The following CSMD1 variants were observed in gnomAD, a reference collection of about 807,000 sequenced individuals.
The protein encoded by CSMD1 is CUB and sushi domain-containing protein 1.
In CSMD1, 213 loss-of-function variants were observed where a neutral mutation model predicts 417.5. The ratio of observed to expected loss-of-function variants is 0.51; its 90% CI spans 0.46 to 0.57. The LOEUF (loss-of-function observed/expected upper bound fraction) is 0.57, where lower values mean the gene tolerates loss of function less well. Among genes scored for constraint, CSMD1 ranks in the 20% least tolerant of loss-of-function variants. CSMD1 has a pLI of 0.00. For synonymous variants in CSMD1, 2,862 were observed against 1,736.8 expected (o/e 1.65, Z -16.11); for missense variants, 6,923 against 4,529.7 (o/e 1.53, Z -15.17).
At chr8:4,179,114 C>A (rs112959333) in intron 3 of CSMD1, among the ~76,000 whole-genome samples, 19 of 152,226 alleles carry the variant, frequency 1.2e-4, no homozygotes, top group East Asian at 1.9e-4. Context: ...GAGCCCGCAT[C>A]GCCAAGTCAA....
chr8:4,202,995 G>A (rs1238442007), intron 3 of CSMD1, among the ~76,000 whole-genome samples: 4 of 152,124 alleles, frequency 2.6e-5, no homozygotes, highest in African/African-American at 4.8e-5. Context: ...TGTCTGCATC[G>A]TAATTCCCAG....
chr8:4,609,330 G>C (rs1172531765), intron 2 of CSMD1, among the ~76,000 whole-genome samples: 1 of 152,206 alleles, frequency 6.6e-6, no homozygotes, highest in African/African-American at 2.4e-5. Context: ...GAGCCTGGGA[G>C]GCAGAGGTTG....
intron 12 of CSMD1, among the ~76,000 whole-genome samples, chr8:3,434,107 A>C (rs2117032034): frequency 6.6e-6 from 1 of 152,322 alleles, no homozygotes; most frequent in East Asian, 1.9e-4. Context: ...TTCCAGAGTA[A>C]CCTTAGAATT....
chr8:3,269,755 T>C (rs963577705), intron 26 of CSMD1, among the ~76,000 whole-genome samples: 1 of 152,206 alleles, frequency 6.6e-6, no homozygotes, highest in Non-Finnish European at 1.5e-5. Context: ...AATTAAGCTT[T>C]AATGAAAAGT....
intron 50 of CSMD1, among the ~76,000 whole-genome samples, chr8:3,036,172 G>T (rs1363080345): frequency 6.6e-6 from 1 of 152,098 alleles, no homozygotes; most frequent in Admixed American, 6.5e-5. Flanking sequence ...CCTTTAATTT[G>T]GCCGTGAGTA....
At chr8:4,117,261 C>A (rs574233049) in intron 3 of CSMD1, among the ~76,000 whole-genome samples, 1 of 151,080 alleles carries the variant, frequency 6.6e-6, no homozygotes, top group African/African-American at 2.4e-5. Flanking sequence ...CATCTATAAT[C>A]CCAAGGAACT....
chr8:4,308,957 C>T (rs1298813736), intron 3 of CSMD1, among the ~76,000 whole-genome samples: 2 of 152,130 alleles, frequency 1.3e-5, no homozygotes, highest in African/African-American at 4.8e-5. Context: ...CAAATACTCC[C>T]TGTAACCTTC....
chr8:3,601,894 C>T (rs1047910680), intron 8 of CSMD1, among the ~76,000 whole-genome samples: 1 of 152,152 alleles, frequency 6.6e-6, no homozygotes, highest in African/African-American at 2.4e-5. Context: ...GTTCACAGAT[C>T]TGCCCTAGAG....
chr8:3,302,095 G>C (rs1443684202), intron 25 of CSMD1, among the ~76,000 whole-genome samples: 1 of 152,092 alleles, frequency 6.6e-6, no homozygotes, highest in Non-Finnish European at 1.5e-5. Context: ...GAAGACTAAA[G>C]TCTCCCGCCC....
At chr8:4,350,166 G>A (rs1301778565) in intron 3 of CSMD1, among the ~76,000 whole-genome samples, 1 of 152,058 alleles carries the variant, frequency 6.6e-6, no homozygotes, top group Non-Finnish European at 1.5e-5. Flanking sequence ...GGTCCTTATT[G>A]TTACAAGCCT....
intron 17 of CSMD1, among the ~76,000 whole-genome samples, chr8:3,391,190 G>A (rs111803943): frequency 8.7e-4 from 132 of 152,110 alleles, no homozygotes; most frequent in African/African-American, 3.0e-3. Flanking sequence ...TTGGTGTGGT[G>A]TGCACGCACA....
At chr8:3,779,700 T>C (rs1799075423) in intron 5 of CSMD1, among the ~76,000 whole-genome samples, 1 of 152,024 alleles carries the variant, frequency 6.6e-6, no homozygotes, top group Non-Finnish European at 1.5e-5. Flanking sequence ...TACAACACTA[T>C]CTAGCGCATA....
At chr8:3,265,873 G>T (rs1801396330) in intron 26 of CSMD1, among the ~76,000 whole-genome samples, 1 of 151,938 alleles carries the variant, frequency 6.6e-6, no homozygotes, top group South Asian at 2.1e-4. Context: ...GAGAAAAGCG[G>T]ACTGAGATCA....
chr8:2,956,669 G>T (rs1319338458), intron 63 of CSMD1, among the ~76,000 whole-genome samples: 10 of 151,914 alleles, frequency 6.6e-5, no homozygotes, highest in Non-Finnish European at 1.3e-4. Context: ...TGTTAGCCAG[G>T]ATGGTCTCGA....
chr8:3,494,858 C>G (rs1264414586), intron 10 of CSMD1, among the ~76,000 whole-genome samples: 1 of 152,144 alleles, frequency 6.6e-6, no homozygotes, highest in Admixed American at 6.5e-5. Flanking sequence ...AGAAAAGTAT[C>G]AAATGCCTGT....
chr8:3,553,363 T>C (rs1267150755), intron 10 of CSMD1, among the ~76,000 whole-genome samples: 1 of 152,202 alleles, frequency 6.6e-6, no homozygotes, highest in Non-Finnish European at 1.5e-5. Flanking sequence ...CTGCCTTTTT[T>C]AGATAAATTG....
At chr8:4,351,685 C>G (rs967635590) in intron 3 of CSMD1, among the ~76,000 whole-genome samples, 1 of 152,130 alleles carries the variant, frequency 6.6e-6, no homozygotes, top group Non-Finnish European at 1.5e-5. Context: ...CAAGAGGAGA[C>G]TTGAATCCTT....
At chr8:3,709,678 A>ATCTTT (rs1563296488) in intron 6 of CSMD1, among the ~76,000 whole-genome samples, 1 of 24,322 alleles carries the variant, frequency 4.1e-5, no homozygotes, top group South Asian at 1.6e-3. Context: ...TTGCAGCAGC[A>ATCTTT]TGTTTTTTTT....
At chr8:3,920,574 C>A (rs1004173232) in intron 5 of CSMD1, among the ~76,000 whole-genome samples, 1 of 152,006 alleles carries the variant, frequency 6.6e-6, no homozygotes, top group African/African-American at 2.4e-5. Flanking sequence ...AAGAGAAATG[C>A]TTTCAGCTTT....
Sources: allele counts gnomAD v4.1 joint callset (sites outside exome capture counted in the v4.1 genomes callset), GRCh38; gene constraint gnomAD v4.1.1; transcripts MANE v1.5; gene names NCBI Gene and HGNC (gene_info 2026-07-23, HGNC 2026-07-21).